GLCCI1: variants seen among roughly 807,000 people sequenced by gnomAD.
GLCCI1 encodes the protein glucocorticoid induced 1, also known as glucocorticoid-induced transcript 1 protein.
A neutral mutation model predicts 52.2 loss-of-function variants in GLCCI1; 24 were observed. That is an observed-to-expected ratio of 0.46 (90% CI 0.33 to 0.65). GLCCI1 has a LOEUF of 0.65. GLCCI1 is among the 30% of genes least tolerant of loss of function. GLCCI1 has a pLI of 0.02. For missense variants in GLCCI1, 704 were observed against 701.5 expected, an observed-to-expected ratio of 1.00 and a Z score of -0.04; for synonymous variants, 310 against 276.5, an observed-to-expected ratio of 1.12 and a Z score of -1.20.
intron 1 of GLCCI1, among the ~76,000 whole-genome samples, chr7:8,000,068 A>G (rs762584353): frequency 1.3e-5 from 2 of 152,226 alleles, no homozygotes; most frequent in Non-Finnish European, 2.9e-5. Flanking sequence ...TTCACTTAGA[A>G]TGGCGTTTCC....
chr7:8,017,189 T>G (rs1055099696), intron 2 of GLCCI1, among the ~76,000 whole-genome samples: 9 of 152,230 alleles, frequency 5.9e-5, no homozygotes, highest in African/African-American at 2.2e-4. Flanking sequence ...TGCCATCATC[T>G]TAGCACTATT....
At position 8,086,047 on chromosome 7, in the gene GLCCI1, TGGAA is replaced by T; in HGVS notation, c.1299-144_1299-141del. The T allele has an allele frequency of 1.5e-6, 1 of 651,268 alleles. No individual in the cohort carries two copies. The highest frequency in any genetic ancestry group is 1.8e-5 in the African/African-American group (1 of 55,136). The allele number at this position is 651,268 out of a possible 1,614,324, so 40.3% of individuals were successfully genotyped here. On this transcript the variant is annotated intron_variant, in intron 7 of 7. Coordinates refer to ENST00000223145, the MANE Select transcript of GLCCI1 (RefSeq NM_138426.4). This position sits in a 1 kb window ranked among gnomAD's most constrained non-coding sequence, Gnocchi z 4.4. ...ATAGTCTGCCAGCTGACTTGTGCTA[TGGAA>T]GATGTTTACCCCTCTGTATACACTT... is the stretch of plus-strand genomic sequence containing the variant.
At chr7:8,044,799 G>A (rs36022646) in intron 3 of GLCCI1, among the ~76,000 whole-genome samples, 4,700 of 152,184 alleles carry the variant, frequency 0.031, 136 homozygotes, top group East Asian at 0.09. Flanking sequence ...CTGTAAGAAT[G>A]CAATGTGAAA....
At chr7:8,075,044 T>C (rs1173379245) in intron 6 of GLCCI1, among the ~76,000 whole-genome samples, 1 of 152,220 alleles carries the variant, frequency 6.6e-6, no homozygotes. Flanking sequence ...ATATACGTAT[T>C]CTTTTTCTGA....
At chr7:7,983,259 G>A (rs1319409225) in intron 1 of GLCCI1, among the ~76,000 whole-genome samples, 3 of 151,996 alleles carry the variant, frequency 2.0e-5, no homozygotes, top group Admixed American at 6.6e-5. Flanking sequence ...TAGGAAATAG[G>A]GAGGTATAGG....
intron 1 of GLCCI1, among the ~76,000 whole-genome samples, chr7:7,997,925 TC>T: frequency 9.1e-6 from 1 of 110,480 alleles, no homozygotes; most frequent in South Asian, 3.2e-4. Flanking sequence ...AGACTCTGTC[TC>T]AAATAAATAA....
chr7:8,050,796 A>T (rs1032593349), intron 3 of GLCCI1, among the ~76,000 whole-genome samples: 11 of 152,158 alleles, frequency 7.2e-5, no homozygotes, highest in Non-Finnish European at 1.2e-4. Context: ...GAGTCCAAAC[A>T]CTTGTTTACC....
In GLCCI1 at chr7:7,969,479, G is replaced by T; in HGVS notation, c.129G>T (p.Ala43=). Residue 43 remains alanine (A), a synonymous_variant, in exon 1 of 8, where the codon GCG becomes GCT. Transcript: ENST00000223145. The surrounding 1 kb of genome is among the most constrained non-coding windows in gnomAD (Gnocchi z 4.9). ...AVAAAGSGNG[A]GGGGGVGCAP... is the part of the protein sequence containing the mutation. ...CCGCCGCCGGGAGCGGGAACGGTGC[G>T]GGCGGCGGCGGCGGCGTGGGCTGCG... is the stretch of plus-strand genomic sequence containing the variant. The T allele has an allele frequency of 9.7e-7, 1 of 1,031,762 alleles. No individual in the cohort carries two copies. Among genetic ancestry groups the T allele is most frequent in the Admixed American group, 5.8e-5 (1 of 17,374 alleles). 63.9% of individuals were successfully genotyped at this position (1,031,762 alleles called of 1,614,324 possible). A position where few individuals can be genotyped will look rare whatever the true frequency, so the allele number is the denominator to read the frequency against.
intron 1 of GLCCI1, chr7:7,981,965 CA>C (rs1358589512): frequency 9.5e-6 from 4 of 420,544 alleles, no homozygotes; most frequent in Non-Finnish European, 1.9e-5. Flanking sequence ...ACATACCAAT[CA>C]AAAATATTAA....
intron 3 of GLCCI1, among the ~76,000 whole-genome samples, chr7:8,053,705 C>T (rs1420969361): frequency 6.6e-6 from 1 of 152,066 alleles, no homozygotes; most frequent in Non-Finnish European, 1.5e-5. Flanking sequence ...AGGCATCTCA[C>T]ATACTTCTTG....
At chr7:8,076,944 G>A (rs1173846016) in intron 6 of GLCCI1, among the ~76,000 whole-genome samples, 1 of 151,794 alleles carries the variant, frequency 6.6e-6, no homozygotes, top group Non-Finnish European at 1.5e-5. Flanking sequence ...TTTTATGTTA[G>A]GCTTTTAATG....
chr7:8,060,386 GTTT>G, intron 5 of GLCCI1, 138 bp downstream of exon 5: 1 of 633,304 alleles, frequency 1.6e-6, no homozygotes, highest in East Asian at 3.0e-5. Context: ...CAATTCAGTG[GTTT>G]TTAACAGATT....
chr7:8,014,384 G>A (rs1430781036), intron 2 of GLCCI1, among the ~76,000 whole-genome samples: 1 of 152,114 alleles, frequency 6.6e-6, no homozygotes, highest in Non-Finnish European at 1.5e-5. Context: ...AAGCATGTGT[G>A]TTTGTTATAC....
At chr7:8,083,145 A>G (rs1449301351) in intron 6 of GLCCI1, among the ~76,000 whole-genome samples, 5 of 152,084 alleles carry the variant, frequency 3.3e-5, no homozygotes, top group Non-Finnish European at 7.4e-5. Context: ...ATTTCTGTGG[A>G]TACATAGGTG....
At chr7:7,974,057 T>G (rs1329398687) in intron 1 of GLCCI1, among the ~76,000 whole-genome samples, 1 of 152,160 alleles carries the variant, frequency 6.6e-6, no homozygotes, top group East Asian at 1.9e-4. Context: ...CAAAGCTTTC[T>G]TCTACATTAA....
Position 8,087,510 on chromosome 7 carries a change from T to C in GLCCI1, c.*972T>C, listed in dbSNP as rs1336485103. On this transcript the variant is annotated 3_prime_UTR_variant, in exon 8 of 8. Transcript: ENST00000223145. ...GTTAATTTCAAAATAAGTGAAGTGT[T>C]TGACGGAATGGTTGAGATTTTTTTG... 6.5e-6 allele frequency: 1 copy of C among 152,672 alleles called. No homozygotes were observed. The highest frequency in any genetic ancestry group is 6.5e-5 in the Admixed American group (1 of 15,282). 9.5% of individuals were successfully genotyped at this position (152,672 alleles called of 1,614,324 possible). A position where few individuals can be genotyped will look rare whatever the true frequency, so the allele number is the denominator to read the frequency against.
chr7:8,055,905 A>C (rs1236286078), intron 4 of GLCCI1: 10 of 164,942 alleles, frequency 6.1e-5, no homozygotes, highest in Non-Finnish European at 1.3e-5. Flanking sequence ...AGGCAGCAGA[A>C]TGGTATGAAC....
chr7:8,070,137 C>T (rs1336743432), intron 5 of GLCCI1: 1 of 152,214 alleles, frequency 6.6e-6, no homozygotes, highest in Non-Finnish European at 1.5e-5. Context: ...ATAGGTTCCT[C>T]ATTTGTGAAA....
At chr7:7,987,771 TA>T (rs199594242) in intron 1 of GLCCI1, among the ~76,000 whole-genome samples, 2,085 of 152,186 alleles carry the variant, frequency 0.014, 38 homozygotes, top group East Asian at 0.039. Flanking sequence ...TTTTATTTTT[TA>T]TTTTTTTTAG....
Sources: gnomAD v4.1 joint callset for allele counts (sites outside exome capture counted in the v4.1 genomes callset) on GRCh38, gnomAD v4.1.1 for gene constraint, Gnocchi (gnomAD v3.1) non-coding constraint, MANE v1.5 for transcripts, NCBI Gene and HGNC (gene_info 2026-07-23, HGNC 2026-07-21) for gene names.